APAF1: variants seen among roughly 807,000 people sequenced by gnomAD.
The protein encoded by APAF1 is apoptotic protease-activating factor 1.
In APAF1, 91 loss-of-function variants were observed where a neutral mutation model predicts 152.4. That is an observed-to-expected ratio of 0.60 (90% CI 0.50 to 0.71). The LOEUF is 0.71. APAF1 is among the 30% of genes least tolerant of loss of function. The pLI is 0.00. For missense variants in APAF1, 1,283 were observed against 1,472.0 expected (o/e 0.87, Z 2.10); for synonymous variants, 484 against 494.1 (o/e 0.98, Z 0.27).
intron 22 of APAF1, among the ~76,000 whole-genome samples, chr12:98,718,159 ACTGT>A (rs1293995261): frequency 1.3e-5 from 2 of 152,080 alleles, no homozygotes; most frequent in African/African-American, 4.8e-5. Flanking sequence ...GTTTGCTGTC[ACTGT>A]CTGTCTACTT....
chr12:98,667,662 A>C lies in APAF1; in HGVS notation c.1494+18A>C, dbSNP rs373241517. ...TGCACAAGGTAAGATGACCCATTTAAAAATTCTTTTATCTGACTTCCCTTT... is the reference window on the plus strand; with the variant it reads ...TGCACAAGGTAAGATGACCCATTTACAAATTCTTTTATCTGACTTCCCTTT... On this transcript the variant is annotated intron_variant, in intron 10 of 26. Transcript: ENST00000551964. The C allele has an allele frequency of 6.2e-7, 1 of 1,611,978 alleles. No homozygotes were observed. Among genetic ancestry groups the C allele is most frequent in the African/African-American group, 1.3e-5 (1 of 75,034 alleles).
chr12:98,665,284 T>A (rs1215060419), intron 7 of APAF1, among the ~76,000 whole-genome samples: 26 of 113,716 alleles, frequency 2.3e-4, no homozygotes, highest in African/African-American at 3.3e-4. Context: ...ATATATTTTT[T>A]TTTTTTTTTG....
At chr12:98,648,207 C>A in intron 1 of APAF1, 112 bp from the exon 2 acceptor site, 1 of 1,069,816 alleles carries the variant, frequency 9.3e-7, no homozygotes. Context: ...AAAATTTTTG[C>A]CAAGGAAAAA....
intron 21 of APAF1, 159 bp downstream of exon 21, chr12:98,712,594 G>T (rs746738305): frequency 1.6e-6 from 1 of 612,232 alleles, no homozygotes; most frequent in Non-Finnish European, 2.9e-6. Flanking sequence ...ACAGCCGACT[G>T]CAGCCTTGAC....
At chr12:98,730,951 CATTA>C (rs1363470290) in intron 26 of APAF1, among the ~76,000 whole-genome samples, 1 of 152,180 alleles carries the variant, frequency 6.6e-6, no homozygotes. Context: ...AAGAAATTCA[CATTA>C]ATTCATGTGC....
intron 12 of APAF1, among the ~76,000 whole-genome samples, chr12:98,673,830 A>G (rs1026450521): frequency 2.6e-5 from 4 of 152,256 alleles, no homozygotes; most frequent in Non-Finnish European, 4.4e-5. Context: ...ATTACAATAT[A>G]ATGCAATGAG....
chr12:98,704,813 T>A (rs1373509087), intron 18 of APAF1, among the ~76,000 whole-genome samples: 1 of 152,200 alleles, frequency 6.6e-6, no homozygotes, highest in Non-Finnish European at 1.5e-5. Flanking sequence ...AGAGTCTCTC[T>A]CTGTCACCCA....
chr12:98,689,435 TGAGAGAGAGAGA>T (rs10562439), intron 16 of APAF1, among the ~76,000 whole-genome samples: 45 of 147,320 alleles, frequency 3.1e-4, no homozygotes, highest in African/African-American at 5.3e-4. Context: ...TGTGTGAGGG[TGAGAGAGAGAGA>T]GAGAGAGAGA....
At chr12:98,662,147 CTT>C (rs575642787) in intron 5 of APAF1, among the ~76,000 whole-genome samples, 10,607 of 110,258 alleles carry the variant, frequency 0.096, 484 homozygotes, top group East Asian at 0.27. Flanking sequence ...GTAATGGTCG[CTT>C]TTTTTTTTTT....
At position 98,723,162 on chromosome 12, in the gene APAF1, ATTATAACAGAC is replaced by A. The variant is rs1198149041; in HGVS notation, c.3085-26_3085-16del. On this transcript the variant is annotated intron_variant, in intron 22 of 26. Transcript: ENST00000551964. The stretch of plus-strand genomic sequence containing the variant: ...TCCAATGAGATAGGATCGGGGGAGG[ATTATAACAGAC>A]TTATTTCTTTGATATTCAGGTATGG... 2 of 1,609,322 alleles carry A rather than the reference ATTATAACAGAC, an allele frequency of 1.2e-6. No individual in the cohort carries two copies. Among genetic ancestry groups the A allele is most frequent in the African/African-American group, 2.7e-5 (2 of 74,796 alleles).
At chr12:98,673,233 C>A (rs2097682454) in intron 12 of APAF1, among the ~76,000 whole-genome samples, 1 of 151,412 alleles carries the variant, frequency 6.6e-6, no homozygotes, top group South Asian at 2.1e-4. Context: ...GGAATCCCAG[C>A]AATTTGGGAG....
chr12:98,680,199 CACTT>C (rs1429226860), intron 13 of APAF1, 74 bp from the exon 14 acceptor site: 3 of 1,435,842 alleles, frequency 2.1e-6, no homozygotes, highest in African/African-American at 1.4e-5. Flanking sequence ...TGATTAAACT[CACTT>C]AAAGATTTTT....
chr12:98,681,820 G>A lies in APAF1; in HGVS notation c.2047-1323G>A, dbSNP rs1215037155. 2.6e-5 allele frequency among the ~76,000 whole-genome samples: 4 copies of A among 152,144 alleles called. No homozygotes were observed. In the East Asian group the frequency reaches 7.7e-4, roughly 29 times the overall value. On this transcript the variant is annotated intron_variant, in intron 14 of 26. Coordinates refer to ENST00000551964, the MANE Select transcript of APAF1 (RefSeq NM_181861.2). Reference sequence around the variant, plus strand: ...ATGAGTTTCTGTTTTCTAAGCCAGAGGTAGAAATACCTATTAAAGAACTTT... The same window carrying A: ...ATGAGTTTCTGTTTTCTAAGCCAGAAGTAGAAATACCTATTAAAGAACTTT...
chr12:98,657,153 C>T (rs1445612079), intron 4 of APAF1, among the ~76,000 whole-genome samples: 1 of 152,206 alleles, frequency 6.6e-6, no homozygotes, highest in South Asian at 2.1e-4. Flanking sequence ...TGATGTTGAG[C>T]ATTCTCTTCT....
chr12:98,712,264 C>T lies in APAF1; in HGVS notation c.2842-55C>T, dbSNP rs775782347. On this transcript the variant is annotated intron_variant, in intron 20 of 26. Transcript: ENST00000551964. ...TTTTCAATTGAAGCCTCTGTTCTGACGAACAAAAACTGCTCTTACAGCCTA... is the reference window on the plus strand; with the variant it reads ...TTTTCAATTGAAGCCTCTGTTCTGATGAACAAAAACTGCTCTTACAGCCTA... 90 of 972,202 alleles carry T rather than the reference C, an allele frequency of 9.3e-5. No individual in the cohort carries two copies. In the Middle Eastern group the frequency reaches 1.3e-3, roughly 14 times the overall value. The allele number at this position is 972,202 out of a possible 1,614,324, so 60.2% of individuals were successfully genotyped here. A position where few individuals can be genotyped will look rare whatever the true frequency, so the allele number is the denominator to read the frequency against.
At chr12:98,716,480 T>C (rs1441226105) in intron 22 of APAF1, among the ~76,000 whole-genome samples, 4 of 152,228 alleles carry the variant, frequency 2.6e-5, no homozygotes, top group African/African-American at 9.6e-5. Context: ...TTGGAAATTA[T>C]TTTACACTAA....
chr12:98,685,632 C>T (rs992918010), intron 15 of APAF1, among the ~76,000 whole-genome samples: 27 of 151,940 alleles, frequency 1.8e-4, no homozygotes, highest in African/African-American at 6.0e-4. Flanking sequence ...CCACGCCCAG[C>T]TTATAAACTC....
At chr12:98,668,724 CAG>C (rs1353282262) in intron 10 of APAF1, among the ~76,000 whole-genome samples, 4 of 152,100 alleles carry the variant, frequency 2.6e-5, no homozygotes, top group East Asian at 1.9e-4. Context: ...TGAACTGAAA[CAG>C]GGGTCTTTGG....
intron 15 of APAF1, among the ~76,000 whole-genome samples, chr12:98,683,820 A>G (rs527284806): frequency 6.6e-6 from 1 of 152,316 alleles, no homozygotes; most frequent in African/African-American, 2.4e-5. Flanking sequence ...CTCTACTTGA[A>G]TCGTAAGTAG....
Sources: allele counts gnomAD v4.1 joint callset (sites outside exome capture counted in the v4.1 genomes callset), GRCh38; gene constraint gnomAD v4.1.1; transcripts MANE v1.5; gene names NCBI Gene and HGNC (gene_info 2026-07-23, HGNC 2026-07-21).